BCKDHB: variants seen among roughly 807,000 people sequenced by gnomAD.
BCKDHB encodes 2-oxoisovalerate dehydrogenase subunit beta, mitochondrial.
In BCKDHB, 41 loss-of-function variants were observed where a neutral mutation model predicts 48.5. The ratio of observed to expected loss-of-function variants is 0.85; its 90% CI spans 0.66 to 1.10. The LOEUF (loss-of-function observed/expected upper bound fraction) is 1.10. Ranked by LOEUF, BCKDHB falls within the 50% of genes least tolerant of loss-of-function variation. BCKDHB has a pLI of 0.00. For synonymous variants in BCKDHB, 201 were observed against 174.8 expected (o/e 1.15, Z -1.18); for missense variants, 496 against 494.2 (o/e 1.00, Z -0.03).
intron 9 of BCKDHB, among the ~76,000 whole-genome samples, chr6:80,317,299 T>C (rs1448489653): frequency 1.3e-5 from 2 of 152,226 alleles, no homozygotes; most frequent in Admixed American, 1.3e-4. Context: ...TACAGTTCTG[T>C]AGGTTTAGAG....
the BCKDHB span, among the ~76,000 whole-genome samples, chr6:80,386,297 G>A: frequency 1.3e-5 from 2 of 151,906 alleles, no homozygotes; most frequent in African/African-American, 4.8e-5. Flanking sequence ...ACAATAGCAA[G>A]GTATGAAATC....
At position 80,343,658 on chromosome 6, in the gene BCKDHB, C is replaced by T; in HGVS notation, c.1039-6C>T. The T allele has an allele frequency of 6.2e-7, 1 of 1,613,958 alleles. No homozygotes were observed. The highest frequency in any genetic ancestry group is 8.5e-7 in the Non-Finnish European group (1 of 1,179,958). On this transcript the variant is annotated splice_polypyrimidine_tract_variant and splice_region_variant and intron_variant, in intron 9 of 9. Transcript: ENST00000320393. ...TTGAAGTTAAGCATCCTGACTCTGT[C>T]TGCAGGAGGAATGTTTCTTGAACCT...
At chr6:80,122,908 C>G (rs1173104170) in intron 1 of BCKDHB, among the ~76,000 whole-genome samples, 1 of 152,006 alleles carries the variant, frequency 6.6e-6, no homozygotes, top group Non-Finnish European at 1.5e-5. Flanking sequence ...GTATCTCAGT[C>G]CTTATCTCAA....
At chr6:80,405,165 G>T in the BCKDHB span, among the ~76,000 whole-genome samples, 1 of 151,954 alleles carries the variant, frequency 6.6e-6, no homozygotes, top group African/African-American at 2.4e-5. Flanking sequence ...TTGTATTGCT[G>T]TCTATCTTTC....
intron 9 of BCKDHB, among the ~76,000 whole-genome samples, chr6:80,318,807 T>C (rs1327363494): frequency 6.6e-6 from 1 of 152,098 alleles, no homozygotes; most frequent in Non-Finnish European, 1.5e-5. Context: ...TACATCATAT[T>C]ATGTATTGTA....
At chr6:80,205,887 A>C (rs980777224) in intron 8 of BCKDHB, among the ~76,000 whole-genome samples, 1 of 150,646 alleles carries the variant, frequency 6.6e-6, no homozygotes, top group Non-Finnish European at 1.5e-5. Flanking sequence ...CCCTGAAATG[A>C]GTGGCATGTT....
At chr6:80,382,782 C>A in the BCKDHB span, among the ~76,000 whole-genome samples, 1 of 152,094 alleles carries the variant, frequency 6.6e-6, no homozygotes, top group South Asian at 2.1e-4. Context: ...TCAAATAATT[C>A]TTACTAATAA....
chr6:80,264,971 C>G (rs1424370934), intron 8 of BCKDHB, among the ~76,000 whole-genome samples: 1 of 152,052 alleles, frequency 6.6e-6, no homozygotes, highest in Non-Finnish European at 1.5e-5. Context: ...CTTAACACCA[C>G]TAATTATTAG....
At chr6:80,388,421 G>A in the BCKDHB span, among the ~76,000 whole-genome samples, 6 of 152,276 alleles carry the variant, frequency 3.9e-5, no homozygotes, top group East Asian at 1.2e-3. Flanking sequence ...ACAGCTCCTG[G>A]CCTGTTACTG....
chr6:80,245,808 G>A (rs1776586548), intron 8 of BCKDHB, among the ~76,000 whole-genome samples: 2 of 152,142 alleles, frequency 1.3e-5, no homozygotes. Context: ...GGGCACGGTG[G>A]TTCATGTCTG....
At chr6:80,407,977 ATTGGC>A in the BCKDHB span, among the ~76,000 whole-genome samples, 1 of 152,076 alleles carries the variant, frequency 6.6e-6, no homozygotes, top group Non-Finnish European at 1.5e-5. Flanking sequence ...TCAGTATGAT[ATTGGC>A]TGTGGGTTTC....
chr6:80,215,570 T>C (rs1313794412), intron 8 of BCKDHB, among the ~76,000 whole-genome samples: 1 of 152,320 alleles, frequency 6.6e-6, no homozygotes, highest in East Asian at 1.9e-4. Context: ...AAAAATAACG[T>C]GGCATTTGGT....
intron 8 of BCKDHB, among the ~76,000 whole-genome samples, chr6:80,254,104 C>T (rs188015302): frequency 1.0e-3 from 157 of 151,830 alleles, no homozygotes; most frequent in South Asian, 8.3e-3. Flanking sequence ...GGATGGGCAT[C>T]GAATCACTGT....
intron 3 of BCKDHB, among the ~76,000 whole-genome samples, chr6:80,154,673 T>C (rs556894994): frequency 6.6e-6 from 1 of 152,284 alleles, no homozygotes; most frequent in Admixed American, 6.5e-5. Flanking sequence ...AAGATTTCTT[T>C]TATAATGTAT....
At chr6:80,415,945 C>T in the BCKDHB span, among the ~76,000 whole-genome samples, 2 of 151,922 alleles carry the variant, frequency 1.3e-5, no homozygotes, top group Non-Finnish European at 2.9e-5. Flanking sequence ...GACTCAATTT[C>T]AGAGCTTGTT....
chr6:80,364,506 G>A, the BCKDHB span, among the ~76,000 whole-genome samples: 12 of 152,118 alleles, frequency 7.9e-5, no homozygotes, highest in South Asian at 2.1e-4. Flanking sequence ...CTGATGTTTC[G>A]AAGTAATTTT....
chr6:80,155,883 T>G (rs1338382202), intron 3 of BCKDHB, among the ~76,000 whole-genome samples: 4 of 150,938 alleles, frequency 2.7e-5, no homozygotes, highest in Admixed American at 2.6e-4. Flanking sequence ...AGTGCTTGGT[T>G]GTTTGGAGCT....
chr6:80,370,606 A>T, the BCKDHB span, among the ~76,000 whole-genome samples: 5,430 of 151,958 alleles, frequency 0.036, 352 homozygotes, highest in African/African-American at 0.12. Context: ...TTCCTTTGCA[A>T]CCTCATAGCT....
intron 3 of BCKDHB, among the ~76,000 whole-genome samples, chr6:80,129,741 T>A (rs1770535673): frequency 6.6e-6 from 1 of 152,200 alleles, no homozygotes; most frequent in African/African-American, 2.4e-5. Flanking sequence ...GCAGGGTTTC[T>A]GTTTTAGCCT....
Sources: gnomAD v4.1 joint callset for allele counts (sites outside exome capture counted in the v4.1 genomes callset) on GRCh38, gnomAD v4.1.1 for gene constraint, MANE v1.5 for transcripts, NCBI Gene and HGNC (gene_info 2026-07-23, HGNC 2026-07-21) for gene names.